The following ARFGEF1 variants were observed in gnomAD, a reference collection of about 807,000 sequenced individuals.
The protein encoded by ARFGEF1 is brefeldin A-inhibited guanine nucleotide-exchange protein 1.
A neutral mutation model predicts 231.0 loss-of-function variants in ARFGEF1; 42 were observed. The observed-to-expected ratio is 0.18, with a 90% CI of 0.14 to 0.24. The LOEUF (loss-of-function observed/expected upper bound fraction) is 0.24, where lower values mean the gene tolerates loss of function less well. Ranked by LOEUF, ARFGEF1 falls within the 10% of genes least tolerant of loss-of-function variation. The pLI, the probability that ARFGEF1 is intolerant of heterozygous loss-of-function variation, is 1.00. For missense variants in ARFGEF1, 1,345 were observed against 2,192.0 expected (o/e 0.61, Z 7.72); for synonymous variants, 710 against 732.3 (o/e 0.97, Z 0.49).
chr8:67,273,661 T>C (rs553155600), intron 9 of ARFGEF1, among the ~76,000 whole-genome samples: 1 of 152,234 alleles, frequency 6.6e-6, no homozygotes, highest in South Asian at 2.1e-4. Context: ...TGGCTCATTA[T>C]TACACAGTCA....
At chr8:67,177,700 A>G (rs1832024582) in intron 5 of ARFGEF1, 1 of 1,612,224 alleles carries the variant, frequency 6.2e-7, no homozygotes, top group Non-Finnish European at 8.5e-7. Context: ...TGCCATCCCA[A>G]GTGCTAAAGT....
chr8:67,282,917 T>A (rs1805597614), intron 7 of ARFGEF1, among the ~76,000 whole-genome samples: 1 of 148,260 alleles, frequency 6.7e-6, no homozygotes, highest in Admixed American at 6.7e-5. Flanking sequence ...AAAGACTGAG[T>A]AGAAAAAATA....
intron 35 of ARFGEF1, 71 bp from the exon 36 acceptor site, chr8:67,203,322 T>TC (rs1418227533): frequency 2.0e-6 from 3 of 1,527,346 alleles, no homozygotes; most frequent in Admixed American, 3.7e-5. Flanking sequence ...AACTCAATGC[T>TC]CCCCAAAGAC....
chr8:67,332,985 C>T (rs1808169375), intron 1 of ARFGEF1, among the ~76,000 whole-genome samples: 1 of 151,974 alleles, frequency 6.6e-6, no homozygotes, highest in Non-Finnish European at 1.5e-5. Context: ...ACAGTAAACA[C>T]TCAATAAATG....
intron 1 of ARFGEF1, among the ~76,000 whole-genome samples, chr8:67,329,065 A>AAAATACAAAAATT (rs1395094078): frequency 1.3e-5 from 2 of 152,128 alleles, no homozygotes; most frequent in African/African-American, 4.8e-5. Flanking sequence ...GTCTCTACTA[A>AAAATACAAAAATT]AAATACAAAA....
At chr8:67,288,227 G>A (rs1805842972) in intron 6 of ARFGEF1, among the ~76,000 whole-genome samples, 162 bp from the exon 7 acceptor site, 1 of 151,962 alleles carries the variant, frequency 6.6e-6, no homozygotes, top group African/African-American at 2.4e-5. Flanking sequence ...CCTTCAAAAT[G>A]TATACCAAAA....
At chr8:67,227,333 T>C (rs1563849991) in intron 26 of ARFGEF1, 24 bp from the exon 27 acceptor site, 2 of 1,605,328 alleles carry the variant, frequency 1.2e-6, no homozygotes, top group East Asian at 4.5e-5. Context: ...TATAATTGCT[T>C]GGATATGCAA....
intron 1 of ARFGEF1, among the ~76,000 whole-genome samples, chr8:67,314,374 C>A (rs1807210190): frequency 6.6e-6 from 1 of 152,168 alleles, no homozygotes; most frequent in Non-Finnish European, 1.5e-5. Flanking sequence ...TCTAGCCAAC[C>A]TCCTGATGGA....
At chr8:67,244,670 G>GA (rs1409257661) in intron 19 of ARFGEF1, among the ~76,000 whole-genome samples, 1 of 149,414 alleles carries the variant, frequency 6.7e-6, no homozygotes, top group Admixed American at 6.7e-5. Context: ...CAGGCTATCT[G>GA]AAAAAAATAC....
intron 9 of ARFGEF1, among the ~76,000 whole-genome samples, chr8:67,274,844 A>C (rs1314059968): frequency 6.6e-6 from 1 of 152,090 alleles, no homozygotes; most frequent in Non-Finnish European, 1.5e-5. Context: ...AGATGTTAAA[A>C]CTGGTGATTT....
Position 67,343,758 on chromosome 8 carries a change from C to T in ARFGEF1, c.-471G>A, listed in dbSNP as rs1384062169. The T allele has an allele frequency of 4.5e-5, 12 of 265,306 alleles. No individual in the cohort carries two copies. The highest frequency in any genetic ancestry group is 1.8e-3 in the Middle Eastern group (1 of 554). 16.4% of individuals were successfully genotyped at this position (265,306 alleles called of 1,614,324 possible). ...TGGCCCCCATCACCGCCGACCTGCC[C>T]CGGCCGCCATGTTGGGAGGAAACGA... On this transcript the variant is annotated 5_prime_UTR_variant, in exon 1 of 39. Transcript: ENST00000262215.
At chr8:67,241,750 G>C (rs1839936408) in intron 19 of ARFGEF1, among the ~76,000 whole-genome samples, 1 of 152,086 alleles carries the variant, frequency 6.6e-6, no homozygotes. Context: ...TAAGAACCGA[G>C]AAACAGGTGA....
At chr8:67,227,420 T>C (rs767437624) in intron 26 of ARFGEF1, 27 bp downstream of exon 26, 2 of 1,607,224 alleles carry the variant, frequency 1.2e-6, no homozygotes, top group East Asian at 2.2e-5. Flanking sequence ...ATTTTCCTTC[T>C]ATTAAGCAAT....
At chr8:67,325,743 G>A (rs1807804124) in intron 1 of ARFGEF1, among the ~76,000 whole-genome samples, 1 of 152,142 alleles carries the variant, frequency 6.6e-6, no homozygotes, top group South Asian at 2.1e-4. Flanking sequence ...TTATTATGAA[G>A]GAAGACTTTT....
chr8:67,310,304 G>T (rs1413423280), intron 1 of ARFGEF1, among the ~76,000 whole-genome samples: 2 of 152,176 alleles, frequency 1.3e-5, no homozygotes, highest in Non-Finnish European at 2.9e-5. Flanking sequence ...TCGCTGTGTT[G>T]GCCGGGCCGG....
At chr8:67,319,439 T>G (rs1390649403) in intron 1 of ARFGEF1, among the ~76,000 whole-genome samples, 1 of 150,490 alleles carries the variant, frequency 6.6e-6, no homozygotes. Flanking sequence ...AAAGTACAAG[T>G]GCAATTCAAT....
At chr8:67,333,071 CTG>C (rs1808175399) in intron 1 of ARFGEF1, among the ~76,000 whole-genome samples, 1 of 147,630 alleles carries the variant, frequency 6.8e-6, no homozygotes, top group Non-Finnish European at 1.5e-5. Flanking sequence ...GAGTCTCACT[CTG>C]TTGCCAGGCA....
chr8:67,236,347 G>T (rs1430285233), intron 22 of ARFGEF1, among the ~76,000 whole-genome samples: 8 of 10,552 alleles, frequency 7.6e-4, no homozygotes, highest in Admixed American at 1.4e-3. Flanking sequence ...AAAGATATTA[G>T]TTAAAAAAAA....
At position 67,239,031 on chromosome 8, in the gene ARFGEF1, G is replaced by C. The variant is rs931794687; in HGVS notation, c.2980-138C>G. On this transcript the variant is annotated intron_variant, in intron 20 of 38. Transcript: ENST00000262215. ...AATTTATTTATTAATTTTTGAGACA[G>C]AGTCTCACCCTGTCGCCCAGGCTGG... 245 of 686,454 alleles carry C rather than the reference G, an allele frequency of 3.6e-4. 1 individual carries two copies. The highest frequency in any genetic ancestry group is 4.7e-4 in the Middle Eastern group (1 of 2,146). 42.5% of individuals were successfully genotyped at this position (686,454 alleles called of 1,614,324 possible).
Sources: allele counts gnomAD v4.1 joint callset (sites outside exome capture counted in the v4.1 genomes callset), GRCh38; gene constraint gnomAD v4.1.1; transcripts MANE v1.5; gene names NCBI Gene and HGNC (gene_info 2026-07-23, HGNC 2026-07-21).